Variants in TXLNG observed in about 807,000 individuals in gnomAD.
TXLNG encodes taxilin gamma, also known as gamma-taxilin.
In TXLNG, 5 loss-of-function variants were observed where a neutral mutation model predicts 38.8. That is an observed-to-expected ratio of 0.13 (90% CI 0.07 to 0.27). TXLNG has a LOEUF of 0.27. Among genes scored for constraint, TXLNG ranks in the 10% least tolerant of loss-of-function variants. The pLI, the probability that TXLNG is intolerant of heterozygous loss-of-function variation, is 1.00. For synonymous variants in TXLNG, 182 were observed against 158.2 expected (o/e 1.15, Z -1.13); for missense variants, 393 against 398.2 (o/e 0.99, Z 0.11).
intron 3 of TXLNG, among the ~76,000 whole-genome samples, chrX:16,823,319 G>A (rs971321051): frequency 9.2e-6 from 1 of 108,715 alleles, no homozygotes; most frequent in South Asian, 4.0e-4. Flanking sequence ...TTTGCTGGGC[G>A]TGGTGGCGCA....
At chrX:16,802,010 G>A (rs1928114873) in intron 1 of TXLNG, among the ~76,000 whole-genome samples, 1 of 89,959 alleles carries the variant, frequency 1.1e-5, no homozygotes, top group South Asian at 5.7e-4. Flanking sequence ...CTGGAGTGCA[G>A]TGGTGCAATC....
chrX:16,812,414 G>A (rs1419426767), intron 1 of TXLNG, among the ~76,000 whole-genome samples: 1 of 79,871 alleles, frequency 1.3e-5, no homozygotes, highest in African/African-American at 4.8e-5. Flanking sequence ...TTTTTTTTGT[G>A]AGACAGAGTC....
chrX:16,787,726 A>C (rs1021087658), intron 1 of TXLNG, among the ~76,000 whole-genome samples: 1 of 111,825 alleles, frequency 8.9e-6, no homozygotes, highest in East Asian at 2.8e-4. Context: ...GCAGGTGAAC[A>C]TACTGAAACG....
chrX:16,815,522 A>T (rs1363529145), intron 1 of TXLNG, among the ~76,000 whole-genome samples: 1 of 103,259 alleles, frequency 9.7e-6, no homozygotes, highest in Non-Finnish European at 2.0e-5. Context: ...TAGATTTGAA[A>T]CTATTATTAT....
At chrX:16,802,885 A>G (rs1383495538) in intron 1 of TXLNG, among the ~76,000 whole-genome samples, 3 of 98,899 alleles carry the variant, frequency 3.0e-5, no homozygotes, top group Admixed American at 1.2e-4. Flanking sequence ...CCGTGGCGTG[A>G]TCGTGGCTCA....
chrX:16,831,125 G>A (rs1169486087), intron 5 of TXLNG, among the ~76,000 whole-genome samples: 1 of 111,738 alleles, frequency 8.9e-6, no homozygotes, highest in African/African-American at 3.3e-5. Context: ...CATAATACCA[G>A]TTTCATACCT....
At chrX:16,835,328 A>G (rs1929552628) in intron 7 of TXLNG, among the ~76,000 whole-genome samples, 1 of 111,480 alleles carries the variant, frequency 9.0e-6, no homozygotes, top group African/African-American at 3.3e-5. Flanking sequence ...CTTTGGGAAC[A>G]TCTTACAATG....
intron 1 of TXLNG, among the ~76,000 whole-genome samples, chrX:16,797,438 G>C (rs1364746022): frequency 8.9e-6 from 1 of 111,948 alleles, no homozygotes; most frequent in Non-Finnish European, 1.9e-5. Flanking sequence ...TTTAGGGTTT[G>C]TCGAGGGCTG....
rs182584291 is a variant in TXLNG, at chrX:16,811,785, C to T, written c.103-6789C>T. ...CCAAGTAACTGGGACTCTACAGGCA[C>T]GCACCACCACACCCAGCTAATTTTT... On this transcript the variant is annotated intron_variant, in intron 1 of 9. Transcript: ENST00000380122. 2.2e-4 allele frequency among the ~76,000 whole-genome samples: 22 copies of T among 100,926 alleles called. No individual in the cohort carries two copies. In the East Asian group the frequency reaches 5.4e-3, roughly 25 times the overall value. 87.6% of individuals were successfully genotyped at this position (100,926 alleles called of 115,157 possible).
chrX:16,818,666 A>C lies in TXLNG; in HGVS notation c.195A>C (p.Gln65His), dbSNP rs765878048. The C allele has an allele frequency of 8.3e-7, 1 of 1,212,111 alleles. No homozygotes were observed. Among genetic ancestry groups the C allele is most frequent in the Admixed American group, 2.2e-5 (1 of 46,023 alleles). ...LCNSQSNDIL[Q>H]HQGSNCGGTS... is the part of the protein sequence containing the mutation. ...ACTCTCAATCAAATGATATTCTTCA[A>C]CATCAAGGCTCAAATTGTGGTGGCA... The change falls in exon 2 of 10, where the codon CAA becomes CAC. Residue 65 changes from glutamine (Q) to histidine (H), a missense_variant. Physicochemically the swap from Gln to His is conservative, Grantham distance 24. Transcript: ENST00000380122.
intron 1 of TXLNG, chrX:16,803,313 T>C (rs1156296743): frequency 9.1e-6 from 1 of 110,299 alleles, no homozygotes; most frequent in Admixed American, 9.8e-5. Flanking sequence ...TCTCATGACA[T>C]CATAAATGAC....
intron 1 of TXLNG, among the ~76,000 whole-genome samples, chrX:16,789,168 T>A (rs955157371): frequency 2.7e-5 from 3 of 111,765 alleles, no homozygotes; most frequent in African/African-American, 9.7e-5. Context: ...GTTTTGTCAT[T>A]ATCTAGTTAC....
intron 1 of TXLNG, among the ~76,000 whole-genome samples, chrX:16,799,222 A>G (rs1927993408): frequency 9.0e-6 from 1 of 111,083 alleles, no homozygotes; most frequent in Non-Finnish European, 1.9e-5. Flanking sequence ...CTTATATATT[A>G]ACCACATTTT....
intron 7 of TXLNG, 107 bp downstream of exon 7, chrX:16,834,464 C>T (rs750254893): frequency 9.5e-6 from 6 of 633,607 alleles, no homozygotes; most frequent in Non-Finnish European, 1.4e-5. Context: ...TTGCTTTTTC[C>T]CAGCCAGAGC....
At chrX:16,840,567 A>T (rs1475364089) in intron 9 of TXLNG, 2 of 411,322 alleles carry the variant, frequency 4.9e-6, no homozygotes, top group East Asian at 2.0e-4. Context: ...AGGTCAAGAG[A>T]TCGAGACCAG....
chrX:16,817,646 C>T (rs77875275), intron 1 of TXLNG, among the ~76,000 whole-genome samples: 1 of 112,009 alleles, frequency 8.9e-6, no homozygotes, highest in Non-Finnish European at 1.9e-5. Context: ...TGTGCCACAT[C>T]ATGACCAGGA....
Position 16,820,124 on chromosome X carries a change from C to A in TXLNG, c.407-40C>A, listed in dbSNP as rs759184539. 1.4e-5 allele frequency: 15 copies of A among 1,065,632 alleles called. No homozygotes were observed. In the South Asian group the frequency reaches 2.8e-4, roughly 20 times the overall value. 87.8% of individuals were successfully genotyped at this position (1,065,632 alleles called of 1,213,427 possible). A position where few individuals can be genotyped will look rare whatever the true frequency, so the allele number is the denominator to read the frequency against. On this transcript the variant is annotated intron_variant, in intron 2 of 9. Coordinates refer to ENST00000380122, the MANE Select transcript of TXLNG (RefSeq NM_018360.3). The stretch of plus-strand genomic sequence containing the variant: ...AGAATTTACAGGTTAGATTTGATCT[C>A]ATTCTTCTGGGACTTATTTCTTTTC...
At chrX:16,801,819 C>T (rs911215703) in intron 1 of TXLNG, among the ~76,000 whole-genome samples, 2 of 110,535 alleles carry the variant, frequency 1.8e-5, no homozygotes, top group Admixed American at 9.7e-5. Context: ...GCCTGTGAAC[C>T]GTGTGACAGT....
intron 6 of TXLNG, among the ~76,000 whole-genome samples, chrX:16,832,975 A>G (rs751808245): frequency 1.9e-4 from 21 of 112,206 alleles, no homozygotes; most frequent in African/African-American, 6.2e-4. Flanking sequence ...TATACAGAAA[A>G]TATACTGGAA....
Sources: allele counts gnomAD v4.1 joint callset (sites outside exome capture counted in the v4.1 genomes callset), GRCh38; gene constraint gnomAD v4.1.1; transcripts MANE v1.5; gene names NCBI Gene and HGNC (gene_info 2026-07-23, HGNC 2026-07-21).